Variants in ITGAE observed in about 807,000 individuals in gnomAD.
ITGAE encodes integrin alpha-E.
Under a neutral mutation model 136.5 loss-of-function variants are expected in ITGAE, and 99 were observed. The observed-to-expected ratio is 0.73, with a 90% CI of 0.62 to 0.86. ITGAE has a LOEUF of 0.86. ITGAE is among the 40% of genes least tolerant of loss of function. The pLI is 0.00. For synonymous variants in ITGAE, 613 were observed against 591.8 expected (o/e 1.04, Z -0.52); for missense variants, 1,447 against 1,515.3 (o/e 0.95, Z 0.75).
chr17:3,727,295 G>C (rs1413826566), intron 26 of ITGAE, among the ~76,000 whole-genome samples: 2 of 152,128 alleles, frequency 1.3e-5, no homozygotes, highest in East Asian at 1.9e-4. Flanking sequence ...CAACTTATAG[G>C]GGGCAGTGTA....
chr17:3,761,236 CG>C (rs1017068844), intron 5 of ITGAE, 59 bp from the exon 6 acceptor site: 1 of 1,583,170 alleles, frequency 6.3e-7, no homozygotes, highest in African/African-American at 1.3e-5. Context: ...CGCCTGAGCA[CG>C]CTCACACATG....
At position 3,801,188 on chromosome 17, in the gene ITGAE, C is replaced by T. The variant is rs767360239; in HGVS notation, c.-44G>A. 8 of 1,604,122 alleles carry T rather than the reference C, an allele frequency of 5.0e-6. No homozygotes were observed. The East Asian group carries it at 8.9e-5, about 18-fold the overall frequency. On this transcript the variant is annotated 5_prime_UTR_variant, in exon 1 of 31. Transcript: ENST00000263087. ...GGCTGTGTGGGAGCCGAGGCGAGTG[C>T]GACACATGGGCCGTGGCCCACTCAG...
chr17:3,772,285 G>A (rs1014051559), intron 2 of ITGAE, among the ~76,000 whole-genome samples: 7 of 152,130 alleles, frequency 4.6e-5, no homozygotes, highest in East Asian at 1.9e-4. Context: ...TCTTGTCATC[G>A]TCTAGCTTGT....
intron 1 of ITGAE, among the ~76,000 whole-genome samples, chr17:3,786,726 C>T (rs550771186): frequency 6.6e-6 from 1 of 151,908 alleles, no homozygotes; most frequent in South Asian, 2.1e-4. Flanking sequence ...TCCATCTCTA[C>T]TAAAAATGCA....
intron 26 of ITGAE, chr17:3,725,187 T>A (rs139076341): frequency 6.2e-7 from 1 of 1,614,100 alleles, no homozygotes; most frequent in Non-Finnish European, 8.5e-7. Flanking sequence ...ATCCCTCCTA[T>A]CAGAATGTTC....
intron 26 of ITGAE, chr17:3,725,553 A>G (rs1226159625): frequency 3.1e-6 from 5 of 1,614,142 alleles, no homozygotes; most frequent in Non-Finnish European, 4.2e-6. Flanking sequence ...CATCATCTCC[A>G]AAGAGTTGAG....
At chr17:3,771,050 C>T (rs2052408989) in intron 2 of ITGAE, among the ~76,000 whole-genome samples, 1 of 151,776 alleles carries the variant, frequency 6.6e-6, no homozygotes, top group South Asian at 2.1e-4. Context: ...AGCACATATG[C>T]CCTCCCCAAA....
rs963323616 is a variant in ITGAE, at chr17:3,743,571, T to C, written c.2366A>G (p.Tyr789Cys). ...CFSNASVKVS[Y>C]QLQTPEGQTD... ...CTGTCCCTCAGGGGTCTGGAGCTGG[T>C]AGCTGACTTTGACACTGGCATTGGA... The change falls in exon 19 of 31, where the codon TAC becomes TGC. Residue 789 changes from tyrosine to cysteine, a missense_variant. This residue lies in a region of ITGAE where 1,031 missense variants were observed against 1,011.4 expected (regional missense o/e 1.02). Transcript: ENST00000263087. 2.4e-5 allele frequency: 39 copies of C among 1,613,216 alleles called. No individual in the cohort carries two copies. The highest frequency in any genetic ancestry group is 3.3e-5 in the Non-Finnish European group (39 of 1,179,746).
intron 21 of ITGAE, 137 bp downstream of exon 21, chr17:3,734,680 A>C: frequency 9.7e-7 from 1 of 1,031,744 alleles, no homozygotes; most frequent in Non-Finnish European, 1.4e-6. Context: ...GGATTTATCT[A>C]GTTATTAACC....
intron 12 of ITGAE, 34 bp downstream of exon 12, chr17:3,755,083 T>C (rs1307099220): frequency 6.5e-7 from 1 of 1,528,320 alleles, no homozygotes; most frequent in South Asian, 1.2e-5. Flanking sequence ...CCTCATCAGG[T>C]GGCCCCGCCC....
chr17:3,724,373 C>A, intron 26 of ITGAE: 2 of 1,606,904 alleles, frequency 1.2e-6, no homozygotes, highest in Non-Finnish European at 1.7e-6. Context: ...CCGGCCGCCT[C>A]AGCCCGGACC....
At chr17:3,788,457 T>A (rs1054326813) in intron 1 of ITGAE, among the ~76,000 whole-genome samples, 1 of 56,686 alleles carries the variant, frequency 1.8e-5, no homozygotes, top group East Asian at 7.7e-4. Context: ...ACCTGACTAA[T>A]TTTTTTTTTT....
At chr17:3,782,954 A>C (rs931853170) in intron 1 of ITGAE, among the ~76,000 whole-genome samples, 2 of 152,182 alleles carry the variant, frequency 1.3e-5, no homozygotes, top group Non-Finnish European at 2.9e-5. Context: ...TCTGCGTTGC[A>C]TGTCATGTTT....
intron 26 of ITGAE, chr17:3,725,452 C>T: frequency 6.2e-7 from 1 of 1,614,198 alleles, no homozygotes; most frequent in Non-Finnish European, 8.5e-7. Context: ...GCTGATCACA[C>T]ACCCGTAGCC....
intron 26 of ITGAE, chr17:3,725,792 G>A (rs2051195949): frequency 6.2e-7 from 1 of 1,605,412 alleles, no homozygotes; most frequent in Non-Finnish European, 8.5e-7. Context: ...GAACCAAGTT[G>A]TCTTCCTTGG....
In ITGAE at chr17:3,739,833, C is replaced by T. The variant is rs1477801440; in HGVS notation, c.2494G>A (p.Glu832Lys). ...ACKNKLFCVA[E>K]LQLATTVSQQ... Reference sequence around the variant, plus strand: ...GAGACGGTGGTGGCCAACTGTAATTCTGCGACACAAAACAGCTTATTCTTG... The same window carrying T: ...GAGACGGTGGTGGCCAACTGTAATTTTGCGACACAAAACAGCTTATTCTTG... Residue 832 changes from glutamate (E) to lysine (K), a missense_variant, in exon 20 of 31, where the codon GAA becomes AAA. Glu to Lys is a moderately conservative substitution (Grantham distance 56). Around this residue, in one of 3 missense-constraint regions of ITGAE, gnomAD observed 1,031 missense variants for 1,011.4 expected, o/e 1.02. Transcript: ENST00000263087. The T allele has an allele frequency of 1.9e-6, 3 of 1,614,052 alleles. No homozygotes were observed. The highest frequency in any genetic ancestry group is 4.5e-5 in the East Asian group (2 of 44,904).
intron 26 of ITGAE, chr17:3,724,115 C>G: frequency 6.3e-7 from 1 of 1,594,772 alleles, no homozygotes. Flanking sequence ...CCTCGCAGTC[C>G]GACGATCCTG....
intron 6 of ITGAE, 49 bp from the exon 7 acceptor site, chr17:3,760,336 G>A (rs1466029729): frequency 2.9e-6 from 3 of 1,042,422 alleles, no homozygotes; most frequent in Non-Finnish European, 4.3e-6. Context: ...TGAGGCAGAT[G>A]TAAGGGTAGC....
intron 2 of ITGAE, among the ~76,000 whole-genome samples, chr17:3,765,305 C>G (rs898203961): frequency 7.1e-6 from 1 of 141,276 alleles, no homozygotes. Context: ...GCCGAGATCA[C>G]GCCACTGAAC....
Sources: allele counts gnomAD v4.1 joint callset (sites outside exome capture counted in the v4.1 genomes callset), GRCh38; gene constraint gnomAD v4.1.1; regional missense constraint gnomAD v4.1.1; transcripts MANE v1.5; gene names NCBI Gene and HGNC (gene_info 2026-07-23, HGNC 2026-07-21).